The following PRKN variants were observed in gnomAD, a reference collection of about 807,000 sequenced individuals.
PRKN encodes E3 ubiquitin-protein ligase parkin.
Under a neutral mutation model 59.5 loss-of-function variants are expected in PRKN, and 56 were observed. The ratio of observed to expected loss-of-function variants is 0.94; its 90% CI spans 0.76 to 1.18. The LOEUF (loss-of-function observed/expected upper bound fraction) is 1.18. PRKN is among the 50% of genes most tolerant of loss of function. The pLI is 0.00. For synonymous variants in PRKN, 250 were observed against 222.1 expected (o/e 1.13, Z -1.12); for missense variants, 657 against 596.4 (o/e 1.10, Z -1.06).
chr6:161,413,049 G>A lies in PRKN; in HGVS notation c.1084-26172C>T, dbSNP rs749644358. The stretch of plus-strand genomic sequence containing the variant: ...TTCCTGACTGCTGGACTAGAATCTC[G>A]CAGGGATTGAGCTTTATTCTGGCAG... On this transcript the variant is annotated intron_variant, in intron 9 of 11. Transcript: ENST00000366898. The surrounding 1 kb of genome is among the most constrained non-coding windows in gnomAD (Gnocchi z 4.4). 5.9e-5 allele frequency among the ~76,000 whole-genome samples: 9 copies of A among 152,206 alleles called. No homozygotes were observed. Among genetic ancestry groups the A allele is most frequent in the East Asian group, 1.9e-4 (1 of 5,200 alleles).
intron 6 of PRKN, among the ~76,000 whole-genome samples, chr6:161,807,057 T>C (rs1054844525): frequency 6.6e-6 from 1 of 152,200 alleles, no homozygotes. Context: ...ACTTTAAAAA[T>C]AGTCTAAAGG....
intron 4 of PRKN, among the ~76,000 whole-genome samples, chr6:162,149,957 T>C (rs1331598408): frequency 6.6e-6 from 1 of 152,162 alleles, no homozygotes; most frequent in Non-Finnish European, 1.5e-5. Context: ...AAGCACTGTA[T>C]GGTATAAAGA....
intron 6 of PRKN, among the ~76,000 whole-genome samples, chr6:161,873,875 T>C (rs1278320507): frequency 7.5e-6 from 1 of 133,552 alleles, no homozygotes; most frequent in Non-Finnish European, 1.5e-5. Context: ...GTTTTTTGTT[T>C]ATATATAAAT....
At chr6:161,720,283 A>G (rs1297781904) in intron 7 of PRKN, among the ~76,000 whole-genome samples, 2 of 152,202 alleles carry the variant, frequency 1.3e-5, no homozygotes, top group African/African-American at 4.8e-5. Context: ...GAAGGTCTTC[A>G]TGTGCATTAT....
At chr6:161,763,364 C>A (rs1789283876) in intron 7 of PRKN, among the ~76,000 whole-genome samples, 1 of 151,976 alleles carries the variant, frequency 6.6e-6, no homozygotes, top group Non-Finnish European at 1.5e-5. Context: ...CCGAGACCCA[C>A]CCCTGTCCCT....
chr6:162,493,535 T>C (rs1792916266), intron 1 of PRKN, among the ~76,000 whole-genome samples: 1 of 152,142 alleles, frequency 6.6e-6, no homozygotes, highest in South Asian at 2.1e-4. Flanking sequence ...GATTTATCTC[T>C]TGGGTCTAAG....
At chr6:162,296,414 C>T (rs1050985148) in intron 2 of PRKN, among the ~76,000 whole-genome samples, 1 of 152,066 alleles carries the variant, frequency 6.6e-6, no homozygotes, top group Non-Finnish European at 1.5e-5. Context: ...TCATATCACT[C>T]ATCTCCTTTC....
Position 161,502,832 on chromosome 6 carries a change from G to T in PRKN, c.1083+46022C>A, listed in dbSNP as rs751491991. ...GGAATGGTTATAAGTACATGCTCTG[G>T]AGTAGAAGGCTCTGGATTAAAAACC... On this transcript the variant is annotated intron_variant, in intron 9 of 11. Transcript: ENST00000366898. This position sits in a 1 kb window ranked among gnomAD's most constrained non-coding sequence, Gnocchi z 4.0. Among the ~76,000 whole-genome samples, 15 of 152,164 alleles carry T rather than the reference G, an allele frequency of 9.9e-5. No homozygotes were observed. Among genetic ancestry groups the T allele is most frequent in the Non-Finnish European group, 2.1e-4 (14 of 68,028 alleles).
intron 1 of PRKN, among the ~76,000 whole-genome samples, chr6:162,713,806 G>A (rs569548166): frequency 6.6e-6 from 1 of 152,112 alleles, no homozygotes; most frequent in African/African-American, 2.4e-5. Context: ...CAGAATTATA[G>A]AAGCTAATTA....
intron 7 of PRKN, among the ~76,000 whole-genome samples, chr6:161,685,220 C>T (rs1423418045): frequency 6.6e-6 from 1 of 152,162 alleles, no homozygotes; most frequent in Non-Finnish European, 1.5e-5. Flanking sequence ...GCCCTCCTCC[C>T]TGTCTGGAAT....
Position 162,186,419 on chromosome 6 carries a change from T to C in PRKN, c.534+14712A>G, listed in dbSNP as rs201694877. Among the ~76,000 whole-genome samples the C allele has an allele frequency of 3.9e-5, 6 of 152,126 alleles. No homozygotes were observed. In the East Asian group the frequency reaches 9.7e-4, roughly 25 times the overall value. The stretch of plus-strand genomic sequence containing the variant: ...AAACATCTCATGAACATCATATTTA[T>C]AGATTGGTTTGTTGGAGTGAGTGGA... On this transcript the variant is annotated intron_variant, in intron 4 of 11. Transcript: ENST00000366898.
At chr6:161,766,247 T>A (rs1789416586) in intron 7 of PRKN, among the ~76,000 whole-genome samples, 2 of 152,182 alleles carry the variant, frequency 1.3e-5, no homozygotes, top group Admixed American at 1.3e-4. Flanking sequence ...GTTCCCTTGA[T>A]AAAGTATTGA....
At chr6:162,346,990 G>A (rs1479948931) in intron 2 of PRKN, among the ~76,000 whole-genome samples, 1 of 151,730 alleles carries the variant, frequency 6.6e-6, no homozygotes, top group Non-Finnish European at 1.5e-5. Context: ...TTTGTTAAGT[G>A]TACTTTTTTA....
intron 2 of PRKN, among the ~76,000 whole-genome samples, chr6:162,400,456 T>TAAAAAAAAAAAA (rs750247669): frequency 1.8e-5 from 1 of 55,590 alleles, no homozygotes; most frequent in Non-Finnish European, 3.6e-5. Flanking sequence ...CATGTAAATA[T>TAAAAAAAAAAAA]CAAAAAAAAA....
At chr6:162,483,165 C>T (rs532899086) in intron 1 of PRKN, among the ~76,000 whole-genome samples, 2 of 152,268 alleles carry the variant, frequency 1.3e-5, no homozygotes, top group East Asian at 1.9e-4. Flanking sequence ...GATAATTTAT[C>T]TGCCATATGC....
intron 1 of PRKN, among the ~76,000 whole-genome samples, chr6:162,500,180 T>TC (rs1793297639): frequency 6.6e-6 from 1 of 151,226 alleles, no homozygotes; most frequent in Non-Finnish European, 1.5e-5. Flanking sequence ...TTCTTTTTTT[T>TC]TTTTTTTTTG....
At chr6:162,201,053 A>G (rs1784708148) in intron 4 of PRKN, 78 bp downstream of exon 4, 1 of 1,456,712 alleles carries the variant, frequency 6.9e-7, no homozygotes, top group Non-Finnish European at 9.6e-7. Flanking sequence ...GTGATACATC[A>G]TTAGAAAAAC....
rs754841390 is a variant in PRKN at position 161,732,474 on chromosome 6, GT to G, written c.871+53297del. On this transcript the variant is annotated intron_variant, in intron 7 of 11. Transcript: ENST00000366898. ...TTGTTCAGCTTGCATTTCTTCAGAG[GT>G]TTTTTTTTTTTGTGTGTGTGTGTGT... Among the ~76,000 whole-genome samples the G allele has an allele frequency of 2.9e-4, 43 of 149,652 alleles. No homozygotes were observed. In the East Asian group the frequency reaches 4.5e-3, roughly 16 times the overall value.
At chr6:162,529,982 T>A (rs1778443347) in intron 1 of PRKN, among the ~76,000 whole-genome samples, 1 of 151,832 alleles carries the variant, frequency 6.6e-6, no homozygotes, top group Non-Finnish European at 1.5e-5. Context: ...AATACAAAAT[T>A]AGCCGGGCGT....
Sources: gnomAD v4.1 joint callset for allele counts (sites outside exome capture counted in the v4.1 genomes callset) on GRCh38, gnomAD v4.1.1 for gene constraint, Gnocchi (gnomAD v3.1) non-coding constraint, MANE v1.5 for transcripts, NCBI Gene and HGNC (gene_info 2026-07-23, HGNC 2026-07-21) for gene names.